Variants in FXR1 observed in about 807,000 individuals in gnomAD.
FXR1 encodes the protein RNA-binding protein FXR1.
In FXR1, 15 loss-of-function variants were observed where a neutral mutation model predicts 84.0. That is an observed-to-expected ratio of 0.18 (90% CI 0.12 to 0.27). The LOEUF (loss-of-function observed/expected upper bound fraction) is 0.27. FXR1 is among the 10% of genes least tolerant of loss of function. The probability of loss-of-function intolerance (pLI) is 1.00; values close to 1 mark genes in which losing one functional copy is unlikely to be tolerated. For synonymous variants in FXR1, 245 were observed against 250.7 expected, an observed-to-expected ratio of 0.98 and a Z score of 0.21; for missense variants, 480 against 774.4, an observed-to-expected ratio of 0.62 and a Z score of 4.51.
intron 15 of FXR1, chr3:180,971,700 TACTA>T (rs1318958564): frequency 4.0e-5 from 6 of 151,880 alleles, no homozygotes; most frequent in African/African-American, 7.2e-5. Context: ...CCCTTACACC[TACTA>T]ACTATTCAAA....
At position 180,968,103 on chromosome 3, in the gene FXR1, C is replaced by T. The variant is rs1337907611; in HGVS notation, c.1251C>T (p.Asp417=). The T allele has an allele frequency of 3.7e-6, 6 of 1,613,330 alleles. No homozygotes were observed. Among genetic ancestry groups the T allele is most frequent in the East Asian group, 2.2e-5 (1 of 44,886 alleles). ...NPSETESERK[D]ELSDWSLAGE... ...CTGAAACGGAATCTGAGCGTAAAGA[C>T]GAGCTGAGTGATTGGTCATTGGCAG... The change falls in exon 14 of 17, where the codon GAC becomes GAT. Residue 417 remains aspartate (D), a synonymous_variant. Coordinates refer to ENST00000357559, the MANE Select transcript of FXR1 (RefSeq NM_005087.4).
At chr3:180,941,380 A>G (rs141445426) in intron 3 of FXR1, among the ~76,000 whole-genome samples, 21 of 151,966 alleles carry the variant, frequency 1.4e-4, no homozygotes, top group African/African-American at 5.1e-4. Context: ...TTTTGTAGAG[A>G]TGAGGTTTTG....
intron 1 of FXR1, chr3:180,915,318 A>G: frequency 1.8e-6 from 1 of 542,542 alleles, no homozygotes; most frequent in South Asian, 2.7e-5. Flanking sequence ...TAGCCCCCAA[A>G]TTTCCGTCAT....
rs1714660945 is a variant in FXR1 at position 180,982,528 on chromosome 3, C to T, written c.*6236C>T. 6.6e-6 allele frequency: 1 copy of T among 152,120 alleles called. No homozygotes were observed. Among genetic ancestry groups the T allele is most frequent in the Non-Finnish European group, 1.5e-5 (1 of 67,990 alleles). 9.4% of individuals were successfully genotyped at this position (152,120 alleles called of 1,614,324 possible). ...TGGTTTCCATTGTCTTAACACCTGT[C>T]TTAAAACGGGTATGTTGTTTGCACT... is the stretch of plus-strand genomic sequence containing the variant. On this transcript the variant is annotated 3_prime_UTR_variant, in exon 17 of 17. Transcript: ENST00000357559.
chr3:180,950,079 T>C (rs1722071921), intron 7 of FXR1, among the ~76,000 whole-genome samples: 1 of 152,166 alleles, frequency 6.6e-6, no homozygotes, highest in South Asian at 2.1e-4. Context: ...ATTAAGCTTA[T>C]CATTATATCT....
At chr3:180,912,883 T>A in intron 1 of FXR1, 147 bp downstream of exon 1, 2 of 1,435,676 alleles carry the variant, frequency 1.4e-6, no homozygotes, top group South Asian at 1.2e-5. Flanking sequence ...TTCTCCCCCC[T>A]CCACCCGCGG....
chr3:180,930,890 A>G (rs1719804239), intron 1 of FXR1, among the ~76,000 whole-genome samples: 1 of 151,836 alleles, frequency 6.6e-6, no homozygotes, highest in South Asian at 2.1e-4. Flanking sequence ...CAAAAAAATT[A>G]GCTGGGTGTG....
At chr3:180,929,293 C>T (rs1719609054) in intron 1 of FXR1, among the ~76,000 whole-genome samples, 1 of 151,938 alleles carries the variant, frequency 6.6e-6, no homozygotes, top group Non-Finnish European at 1.5e-5. Flanking sequence ...TTTTTTTCCG[C>T]CTATCCATAG....
intron 9 of FXR1, among the ~76,000 whole-genome samples, chr3:180,957,207 A>C (rs1711503354): frequency 6.6e-6 from 1 of 152,220 alleles, no homozygotes; most frequent in Non-Finnish European, 1.5e-5. Flanking sequence ...TAAATACTTG[A>C]ATTTTATGTA....
At chr3:180,948,568 C>T in intron 5 of FXR1, 73 bp downstream of exon 5, 9 of 1,159,702 alleles carry the variant, frequency 7.8e-6, no homozygotes, top group Non-Finnish European at 1.0e-5. Flanking sequence ...AACATTTTCC[C>T]TAATGCCCAA....
Position 180,980,428 on chromosome 3 carries a change from T to C in FXR1, c.*4136T>C, listed in dbSNP as rs983438335. 3 of 152,104 alleles carry C rather than the reference T, an allele frequency of 2.0e-5. No homozygotes were observed. Among genetic ancestry groups the C allele is most frequent in the African/African-American group, 7.2e-5 (3 of 41,542 alleles). The allele number at this position is 152,104 out of a possible 1,614,324, so 9.4% of individuals were successfully genotyped here. A position where few individuals can be genotyped will look rare whatever the true frequency, so the allele number is the denominator to read the frequency against. On this transcript the variant is annotated 3_prime_UTR_variant, in exon 17 of 17. Coordinates refer to ENST00000357559, the MANE Select transcript of FXR1 (RefSeq NM_005087.4). Reference sequence around the variant, plus strand: ...TTTTTACCCCTTTGTACCCTCTTAATTGGATTAACTGTAAAATGTACATAT... The same window carrying C: ...TTTTTACCCCTTTGTACCCTCTTAACTGGATTAACTGTAAAATGTACATAT...
chr3:180,971,046 A>G (rs1254637390), intron 15 of FXR1: 12 of 936,618 alleles, frequency 1.3e-5, no homozygotes, highest in Non-Finnish European at 1.7e-5. Flanking sequence ...TTTTGTCAGA[A>G]TAGTTCATGG....
intron 10 of FXR1, among the ~76,000 whole-genome samples, chr3:180,959,294 G>GT (rs1711768736): frequency 6.7e-6 from 1 of 149,146 alleles, no homozygotes; most frequent in Non-Finnish European, 1.5e-5. Flanking sequence ...TAAAATTCCT[G>GT]TTTTTTGGTC....
intron 1 of FXR1, among the ~76,000 whole-genome samples, chr3:180,916,461 G>T (rs920947402): frequency 3.3e-5 from 5 of 152,166 alleles, no homozygotes; most frequent in Admixed American, 6.5e-5. Flanking sequence ...TGGTGGGAGC[G>T]CAGTGGTGCG....
At chr3:180,935,263 TA>T (rs768478640) in intron 3 of FXR1, 32 bp downstream of exon 3, 2 of 946,420 alleles carry the variant, frequency 2.1e-6, no homozygotes, top group South Asian at 1.4e-5. Context: ...TTCTTGTGTC[TA>T]TTTTTTTGAT....
At chr3:180,925,413 A>G (rs1332653649) in intron 1 of FXR1, among the ~76,000 whole-genome samples, 1 of 151,942 alleles carries the variant, frequency 6.6e-6, no homozygotes, top group Non-Finnish European at 1.5e-5. Context: ...TCTTCCAGTA[A>G]TTTTTACTCA....
intron 3 of FXR1, among the ~76,000 whole-genome samples, chr3:180,935,580 T>G (rs910028853): frequency 3.3e-5 from 5 of 152,244 alleles, no homozygotes; most frequent in Non-Finnish European, 7.3e-5. Context: ...TCTTAACGAT[T>G]TGCCTGGGTG....
In FXR1 at chr3:180,951,240, A is replaced by G. The variant is rs897083793; in HGVS notation, c.631-58A>G. ...CCTGTCTGGAAAAAAACCAAACCATACAAAAAAGCCATTTTGTATTTTGAT... is the reference window on the plus strand; with the variant it reads ...CCTGTCTGGAAAAAAACCAAACCATGCAAAAAAGCCATTTTGTATTTTGAT... On this transcript the variant is annotated intron_variant, in intron 7 of 16. Transcript: ENST00000357559. 2.2e-5 allele frequency: 25 copies of G among 1,125,492 alleles called. No homozygotes were observed. In the African/African-American group the frequency reaches 3.9e-4, roughly 17 times the overall value. 69.7% of individuals were successfully genotyped at this position (1,125,492 alleles called of 1,614,324 possible).
intron 14 of FXR1, among the ~76,000 whole-genome samples, chr3:180,968,636 T>C (rs1484304689): frequency 1.3e-5 from 2 of 152,190 alleles, no homozygotes; most frequent in African/African-American, 4.8e-5. Flanking sequence ...TCAGTACTTT[T>C]CTATACTTAA....
Sources: allele counts gnomAD v4.1 joint callset (sites outside exome capture counted in the v4.1 genomes callset), GRCh38; gene constraint gnomAD v4.1.1; transcripts MANE v1.5; gene names NCBI Gene and HGNC (gene_info 2026-07-23, HGNC 2026-07-21).